Variants in DLG1 observed in about 807,000 individuals in gnomAD.
The protein encoded by DLG1 is disks large homolog 1.
Under a neutral mutation model 123.4 loss-of-function variants are expected in DLG1, and 42 were observed. The ratio of observed to expected loss-of-function variants is 0.34; its 90% CI spans 0.27 to 0.44. The LOEUF is 0.44. DLG1 is among the 20% of genes least tolerant of loss of function. The pLI is 1.00. For missense variants in DLG1, 942 were observed against 1,082.6 expected, an observed-to-expected ratio of 0.87 and a Z score of 1.82; for synonymous variants, 317 against 356.2, an observed-to-expected ratio of 0.89 and a Z score of 1.24.
intron 14 of DLG1, among the ~76,000 whole-genome samples, chr3:197,093,333 AT>A (rs1293039899): frequency 1.3e-5 from 2 of 152,000 alleles, no homozygotes; most frequent in East Asian, 3.9e-4. Context: ...TAATTTTTGC[AT>A]TTTTAATAGA....
intron 4 of DLG1, among the ~76,000 whole-genome samples, chr3:197,195,319 A>C (rs917990401): frequency 6.6e-6 from 1 of 152,050 alleles, no homozygotes; most frequent in African/African-American, 2.4e-5. Context: ...ACATAAAGTG[A>C]TATTTTTTTA....
At chr3:197,125,957 GT>G (rs1325725977) in intron 11 of DLG1, among the ~76,000 whole-genome samples, 1 of 151,436 alleles carries the variant, frequency 6.6e-6, no homozygotes, top group East Asian at 1.9e-4. Flanking sequence ...GAACTGACAA[GT>G]AAAACTCACT....
chr3:197,233,409 CAG>C (rs1354163882), intron 4 of DLG1, among the ~76,000 whole-genome samples: 1 of 152,132 alleles, frequency 6.6e-6, no homozygotes, highest in African/African-American at 2.4e-5. Flanking sequence ...TTTTTTGAGA[CAG>C]AGTCTAGCTC....
rs900915390 is a variant in DLG1, at chr3:197,043,276, G to C, written c.*1347C>G. On this transcript the variant is annotated 3_prime_UTR_variant, in exon 25 of 25. Transcript: ENST00000667157. ...TTTGCCTGCCTTCCTATTAATAAAA[G>C]GAGAACTAGAAGGAAAGGGCAAGGA... is the stretch of plus-strand genomic sequence containing the variant. 3.3e-5 allele frequency: 5 copies of C among 152,030 alleles called. No homozygotes were observed. The highest frequency in any genetic ancestry group is 1.2e-4 in the African/African-American group (5 of 41,388). 9.4% of individuals were successfully genotyped at this position (152,030 alleles called of 1,614,324 possible).
At chr3:197,239,371 T>G (rs1747690484) in intron 4 of DLG1, among the ~76,000 whole-genome samples, 1 of 152,158 alleles carries the variant, frequency 6.6e-6, no homozygotes, top group Non-Finnish European at 1.5e-5. Flanking sequence ...ACCTGAAGGC[T>G]TCACTGGTGA....
chr3:197,223,683 AG>A (rs1344491556), intron 4 of DLG1, among the ~76,000 whole-genome samples: 1 of 152,246 alleles, frequency 6.6e-6, no homozygotes, highest in Admixed American at 6.5e-5. Flanking sequence ...TACTGGTATT[AG>A]TTTATACACT....
At chr3:197,073,395 GT>G (rs1378911697) in intron 18 of DLG1, among the ~76,000 whole-genome samples, 1 of 152,154 alleles carries the variant, frequency 6.6e-6, no homozygotes. Context: ...AGCACCTTAT[GT>G]ATCTTTTATT....
At chr3:197,102,360 T>C (rs898832964) in intron 14 of DLG1, among the ~76,000 whole-genome samples, 1 of 152,192 alleles carries the variant, frequency 6.6e-6, no homozygotes, top group African/African-American at 2.4e-5. Context: ...CTTGTATGTA[T>C]ATATATAAGA....
chr3:197,185,520 G>A (rs896181579), intron 5 of DLG1, among the ~76,000 whole-genome samples: 3 of 152,064 alleles, frequency 2.0e-5, no homozygotes, highest in Admixed American at 6.6e-5. Context: ...TATCTAATTC[G>A]GAGTAGAGAA....
intron 11 of DLG1, 97 bp downstream of exon 11, chr3:197,130,430 T>C: frequency 9.5e-7 from 1 of 1,055,634 alleles, no homozygotes; most frequent in Non-Finnish European, 1.3e-6. Flanking sequence ...AATATTTGCA[T>C]AATGTTTAAA....
At chr3:197,061,965 T>C (rs1463129735) in intron 22 of DLG1, among the ~76,000 whole-genome samples, 1 of 152,218 alleles carries the variant, frequency 6.6e-6, no homozygotes, top group Non-Finnish European at 1.5e-5. Context: ...AATACACTGA[T>C]GGTTTCTGCC....
intron 4 of DLG1, 141 bp downstream of exon 4, chr3:197,282,538 A>C (rs1468165654): frequency 5.7e-6 from 3 of 526,042 alleles, no homozygotes; most frequent in Admixed American, 4.0e-5. Context: ...TTTTAACCCC[A>C]TTCTCTTTAT....
intron 13 of DLG1, among the ~76,000 whole-genome samples, chr3:197,110,198 A>G (rs1769070394): frequency 6.6e-6 from 1 of 151,828 alleles, no homozygotes; most frequent in South Asian, 2.1e-4. Context: ...GTTATTGTTC[A>G]GTTCTTCAGC....
chr3:197,073,661 T>C (rs1426246242), intron 18 of DLG1, among the ~76,000 whole-genome samples: 2 of 152,198 alleles, frequency 1.3e-5, no homozygotes, highest in Non-Finnish European at 2.9e-5. Flanking sequence ...AATAATTTAT[T>C]TGACTCTCTT....
chr3:197,297,975 C>T, intron 1 of DLG1: 2 of 968,430 alleles, frequency 2.1e-6, no homozygotes, highest in Middle Eastern at 5.3e-4. Flanking sequence ...ACCCCCGCGG[C>T]CTCGTCCTCC....
chr3:197,119,049 A>T (rs1774873773), intron 12 of DLG1, among the ~76,000 whole-genome samples: 1 of 152,168 alleles, frequency 6.6e-6, no homozygotes, highest in African/African-American at 2.4e-5. Context: ...AACACAAATC[A>T]AATAACTGCC....
intron 18 of DLG1, chr3:197,075,835 A>G: frequency 6.2e-7 from 1 of 1,612,032 alleles, no homozygotes; most frequent in Non-Finnish European, 8.5e-7. Flanking sequence ...TTGATCACTT[A>G]CTCAGGCCTT....
chr3:197,087,801 A>G (rs1324041642), intron 15 of DLG1, among the ~76,000 whole-genome samples: 1 of 152,204 alleles, frequency 6.6e-6, no homozygotes, highest in African/African-American at 2.4e-5. Flanking sequence ...GTAGGCAGGG[A>G]TAAGTTACTG....
intron 4 of DLG1, among the ~76,000 whole-genome samples, chr3:197,252,834 A>G (rs1386284206): frequency 1.3e-5 from 2 of 152,162 alleles, no homozygotes; most frequent in East Asian, 1.9e-4. Flanking sequence ...TTTACTATAC[A>G]CTTTAAAATG....
Sources: allele counts gnomAD v4.1 joint callset (sites outside exome capture counted in the v4.1 genomes callset), GRCh38; gene constraint gnomAD v4.1.1; transcripts MANE v1.5; gene names NCBI Gene and HGNC (gene_info 2026-07-23, HGNC 2026-07-21).